CLOCK: variants seen among roughly 807,000 people sequenced by gnomAD.
CLOCK encodes circadian locomoter output cycles protein kaput.
CLOCK carries 43 observed loss-of-function variants against 118.4 expected under a neutral mutation model. That is an observed-to-expected ratio of 0.36 (90% CI 0.28 to 0.47). CLOCK has a LOEUF of 0.47. CLOCK is among the 20% of genes least tolerant of loss of function. The pLI is 1.00. For missense variants in CLOCK, 846 were observed against 999.9 expected, an observed-to-expected ratio of 0.85 and a Z score of 2.08; for synonymous variants, 326 against 339.2, an observed-to-expected ratio of 0.96 and a Z score of 0.43.
chr4:55,506,433 A>G (rs1443555257), intron 2 of CLOCK, among the ~76,000 whole-genome samples: 2 of 152,292 alleles, frequency 1.3e-5, no homozygotes, highest in South Asian at 2.1e-4. Flanking sequence ...AAAAAAAACC[A>G]TATAGGGAAG....
At chr4:55,527,602 C>A (rs956660091) in intron 1 of CLOCK, among the ~76,000 whole-genome samples, 7 of 151,832 alleles carry the variant, frequency 4.6e-5, no homozygotes, top group Non-Finnish European at 1.0e-4. Context: ...AAAAACATAA[C>A]TGGGAGGTAT....
chr4:55,486,776 C>G (rs558534769), intron 3 of CLOCK, among the ~76,000 whole-genome samples: 2 of 152,110 alleles, frequency 1.3e-5, no homozygotes, highest in Non-Finnish European at 2.9e-5. Flanking sequence ...TTATTTATTT[C>G]ACTCTGGAAA....
chr4:55,468,522 G>A (rs929562490), intron 8 of CLOCK, among the ~76,000 whole-genome samples: 1 of 152,088 alleles, frequency 6.6e-6, no homozygotes, highest in African/African-American at 2.4e-5. Flanking sequence ...TGGTCATATA[G>A]ATAATGAATT....
At chr4:55,520,810 C>T (rs1313181535) in intron 1 of CLOCK, among the ~76,000 whole-genome samples, 2 of 152,216 alleles carry the variant, frequency 1.3e-5, no homozygotes, top group African/African-American at 4.8e-5. Context: ...GCCTCCAGCA[C>T]CAGCCCTCTT....
chr4:55,435,505 A>G lies in CLOCK; in HGVS notation c.2451T>C (p.His817=). Residue 817 remains histidine (H), a synonymous_variant, in exon 23 of 23, where the codon CAT becomes CAC. Transcript: ENST00000513440. ...PLQQSTFPQS[H]HQQHQSQQQQ... ...GTTGCTGAGACTGATGTTGCTGGTG[A>G]TGTGACTGAGGGAAGGTGCTCTGTT... is the stretch of plus-strand genomic sequence containing the variant. 1 of 1,614,056 alleles carries G rather than the reference A, an allele frequency of 6.2e-7. No individual in the cohort carries two copies.
At chr4:55,514,070 T>C (rs1729328678) in intron 1 of CLOCK, among the ~76,000 whole-genome samples, 1 of 152,136 alleles carries the variant, frequency 6.6e-6, no homozygotes, top group Non-Finnish European at 1.5e-5. Flanking sequence ...GAGTTTTATT[T>C]CTTCTTTCCC....
chr4:55,459,981 T>C (rs890854736), intron 9 of CLOCK, among the ~76,000 whole-genome samples: 1 of 152,178 alleles, frequency 6.6e-6, no homozygotes, highest in African/African-American at 2.4e-5. Flanking sequence ...ACTTTTAAAT[T>C]TGCTCACGTC....
intron 2 of CLOCK, among the ~76,000 whole-genome samples, chr4:55,508,946 G>A (rs1318894935): frequency 6.6e-6 from 1 of 152,142 alleles, no homozygotes; most frequent in Non-Finnish European, 1.5e-5. Context: ...CAACATCACA[G>A]ACTATTTCTA....
At chr4:55,540,525 A>G (rs887129318) in intron 1 of CLOCK, 2 of 151,280 alleles carry the variant, frequency 1.3e-5, no homozygotes, top group African/African-American at 4.9e-5. Context: ...GTGCTTTTTA[A>G]TTTTTTTTTG....
intron 4 of CLOCK, 87 bp from the exon 5 acceptor site, chr4:55,479,786 C>A: frequency 9.6e-7 from 1 of 1,039,272 alleles, no homozygotes; most frequent in Non-Finnish European, 1.5e-6. Context: ...TCAGTTATGC[C>A]CTATGATTTT....
intron 3 of CLOCK, 39 bp from the exon 4 acceptor site, chr4:55,482,867 A>G: frequency 3.0e-6 from 3 of 990,460 alleles, no homozygotes; most frequent in Non-Finnish European, 4.7e-6. Flanking sequence ...TTAGTTTTCT[A>G]AAAATGTTAC....
At chr4:55,540,896 A>T (rs1731229056) in intron 1 of CLOCK, 2 of 152,226 alleles carry the variant, frequency 1.3e-5, no homozygotes, top group South Asian at 4.1e-4. Flanking sequence ...GACCTCTTTG[A>T]AAAAGAAACT....
chr4:55,448,874 G>T lies in CLOCK; in HGVS notation c.1450-6C>A, dbSNP rs879318044. ...ACAGACTGGGAATTTATGGACTAGA[G>T]CAAAATAAAAAATAACACTGAAGTG... On this transcript the variant is annotated splice_region_variant and splice_polypyrimidine_tract_variant and intron_variant, in intron 17 of 22. Coordinates refer to ENST00000513440, the MANE Select transcript of CLOCK (RefSeq NM_004898.4). 1 of 1,607,418 alleles carries T rather than the reference G, an allele frequency of 6.2e-7. No individual in the cohort carries two copies. The highest frequency in any genetic ancestry group is 8.5e-7 in the Non-Finnish European group (1 of 1,174,218).
chr4:55,509,000 T>C (rs1270263308), intron 2 of CLOCK, among the ~76,000 whole-genome samples: 1 of 152,236 alleles, frequency 6.6e-6, no homozygotes, highest in African/African-American at 2.4e-5. Context: ...CGATCTGGAA[T>C]AGCCTATTGC....
intron 1 of CLOCK, among the ~76,000 whole-genome samples, chr4:55,520,175 T>A (rs1372057005): frequency 1.3e-5 from 2 of 152,174 alleles, no homozygotes; most frequent in East Asian, 3.8e-4. Flanking sequence ...TGCCTTAAAT[T>A]GGCAATTAGT....
intron 8 of CLOCK, among the ~76,000 whole-genome samples, chr4:55,465,453 C>T (rs955167589): frequency 1.3e-5 from 2 of 152,298 alleles, no homozygotes; most frequent in African/African-American, 4.8e-5. Context: ...GGGCCTATCT[C>T]TTACACCTTT....
intron 1 of CLOCK, among the ~76,000 whole-genome samples, chr4:55,544,528 G>C (rs1184345436): frequency 6.6e-6 from 1 of 152,100 alleles, no homozygotes; most frequent in Non-Finnish European, 1.5e-5. Flanking sequence ...TGTGACCTCT[G>C]CAATCTTAAA....
chr4:55,530,341 A>G (rs2110085198), intron 1 of CLOCK, among the ~76,000 whole-genome samples: 1 of 152,318 alleles, frequency 6.6e-6, no homozygotes, highest in South Asian at 2.1e-4. Context: ...TCTAAGTTGT[A>G]AGAGAGAATT....
At position 55,444,737 on chromosome 4, in the gene CLOCK, A is replaced by G; in HGVS notation, c.1588T>C (p.Leu530=). Residue 530 remains leucine (L), a synonymous_variant, in exon 19 of 23, where the codon TTG becomes CTG. Transcript: ENST00000513440. ...LGAMQHLKDQ[L]EQRTRMIEAN... ...TCTATCATGCGTGTCCGTTGTTCCAATTGGTCTTTCAGATGTTGCATGGCT... is the reference window on the plus strand; with the variant it reads ...TCTATCATGCGTGTCCGTTGTTCCAGTTGGTCTTTCAGATGTTGCATGGCT... 6.2e-7 allele frequency: 1 copy of G among 1,614,086 alleles called. No individual in the cohort carries two copies. Among genetic ancestry groups the G allele is most frequent in the Non-Finnish European group, 8.5e-7 (1 of 1,180,000 alleles).
Sources: allele counts gnomAD v4.1 joint callset (sites outside exome capture counted in the v4.1 genomes callset), GRCh38; gene constraint gnomAD v4.1.1; transcripts MANE v1.5; gene names NCBI Gene and HGNC (gene_info 2026-07-23, HGNC 2026-07-21).